SMOC1: variants seen among roughly 807,000 people sequenced by gnomAD.
SMOC1 encodes SPARC related modular calcium binding 1, also known as SPARC-related modular calcium-binding protein 1.
A neutral mutation model predicts 56.3 loss-of-function variants in SMOC1; 22 were observed. The observed-to-expected ratio is 0.39, with a 90% CI of 0.28 to 0.56. SMOC1 has a LOEUF of 0.56. Ranked by LOEUF, SMOC1 falls within the 20% of genes least tolerant of loss-of-function variation. The pLI is 0.61. For synonymous variants in SMOC1, 193 were observed against 215.0 expected, an observed-to-expected ratio of 0.90 and a Z score of 0.89; for missense variants, 509 against 565.4, an observed-to-expected ratio of 0.90 and a Z score of 1.01.
chr14:69,952,035 G>A (rs1366955822), intron 1 of SMOC1, 103 bp from the exon 2 acceptor site: 9 of 1,345,580 alleles, frequency 6.7e-6, no homozygotes, highest in African/African-American at 1.4e-5. Context: ...GGGTTTATTA[G>A]GGACTTACTT....
intron 7 of SMOC1, among the ~76,000 whole-genome samples, chr14:70,009,077 T>G (rs1885243928): frequency 6.6e-6 from 1 of 152,242 alleles, no homozygotes; most frequent in South Asian, 2.1e-4. Flanking sequence ...TTTAAACTCC[T>G]CTTCCTCTAG....
chr14:69,980,143 G>T (rs1278165712), intron 5 of SMOC1, among the ~76,000 whole-genome samples: 1 of 152,156 alleles, frequency 6.6e-6, no homozygotes, highest in African/African-American at 2.4e-5. Flanking sequence ...GTCAAGCAGT[G>T]AGTACCATTT....
At chr14:69,967,519 C>A (rs1044755764) in intron 3 of SMOC1, among the ~76,000 whole-genome samples, 5 of 152,264 alleles carry the variant, frequency 3.3e-5, no homozygotes, top group Non-Finnish European at 4.4e-5. Context: ...ATATGTACCC[C>A]AAGACAGTTC....
chr14:69,933,655 C>G (rs571465493), intron 1 of SMOC1, among the ~76,000 whole-genome samples: 2 of 152,146 alleles, frequency 1.3e-5, no homozygotes, highest in East Asian at 3.9e-4. Context: ...TCAGCTGGGA[C>G]TACAGGTGCA....
chr14:70,022,681 TC>T (rs1885770299), intron 10 of SMOC1, among the ~76,000 whole-genome samples: 1 of 152,208 alleles, frequency 6.6e-6, no homozygotes, highest in African/African-American at 2.4e-5. Context: ...CCTTTTTGGC[TC>T]TGTCTCATAG....
At chr14:69,919,018 C>T (rs912826922) in intron 1 of SMOC1, among the ~76,000 whole-genome samples, 3 of 152,034 alleles carry the variant, frequency 2.0e-5, no homozygotes, top group African/African-American at 4.8e-5. Flanking sequence ...CCTGCTTCTC[C>T]GGAGTTTTAG....
rs1222922776 is a variant in SMOC1 at position 69,960,775 on chromosome 14, A to G, written c.378+7243A>G. Among the ~76,000 whole-genome samples, 5 of 151,184 alleles carry G rather than the reference A, an allele frequency of 3.3e-5. No homozygotes were observed. In the East Asian group the frequency reaches 5.8e-4, roughly 18 times the overall value. On this transcript the variant is annotated intron_variant, in intron 3 of 11. Coordinates refer to ENST00000361956, the MANE Select transcript of SMOC1 (RefSeq NM_001034852.3). ...TTAGCACATAATTGTTGCTTAGCAG[A>G]TGTTAGTTTTCTTCATCTTTAGGTT...
intron 1 of SMOC1, among the ~76,000 whole-genome samples, chr14:69,923,329 T>A (rs1422780474): frequency 6.6e-6 from 1 of 152,132 alleles, no homozygotes; most frequent in Non-Finnish European, 1.5e-5. Flanking sequence ...TGCAGCAAAA[T>A]TTTTTAAATT....
chr14:69,903,150 C>T (rs995485011), intron 1 of SMOC1, among the ~76,000 whole-genome samples: 7 of 151,882 alleles, frequency 4.6e-5, no homozygotes, highest in African/African-American at 1.7e-4. Flanking sequence ...TCTTCCTGGC[C>T]GCCATCCCGT....
chr14:69,922,612 A>G (rs1884876216), intron 1 of SMOC1, among the ~76,000 whole-genome samples: 1 of 152,140 alleles, frequency 6.6e-6, no homozygotes, highest in Non-Finnish European at 1.5e-5. Flanking sequence ...GACATGCAGC[A>G]CCCTGGGCCC....
rs375808586 is a variant in SMOC1 at position 70,011,590 on chromosome 14, C to T, written c.940+23C>T. 37 of 1,606,620 alleles carry T rather than the reference C, an allele frequency of 2.3e-5. No homozygotes were observed. In the East Asian group the frequency reaches 3.1e-4, roughly 14 times the overall value. ...CAGGTGGGAGACGATGCTGCCCTGC[C>T]GGCGCCATCACCTCCTTCTGTTCCT... On this transcript the variant is annotated intron_variant, in intron 9 of 11. Transcript: ENST00000361956.
intron 1 of SMOC1, among the ~76,000 whole-genome samples, chr14:69,895,923 G>T (rs1390753407): frequency 6.7e-6 from 1 of 149,246 alleles, no homozygotes; most frequent in Admixed American, 6.7e-5. Flanking sequence ...AGAGTGCAGG[G>T]GTGCAACTGA....
intron 10 of SMOC1, among the ~76,000 whole-genome samples, chr14:70,015,955 C>T (rs1885495140): frequency 6.6e-6 from 1 of 152,234 alleles, no homozygotes; most frequent in African/African-American, 2.4e-5. Flanking sequence ...AAAGGAGGTC[C>T]GTGGGCTTAA....
At chr14:70,002,198 C>T (rs939253143) in intron 7 of SMOC1, among the ~76,000 whole-genome samples, 6 of 152,292 alleles carry the variant, frequency 3.9e-5, no homozygotes, top group South Asian at 2.1e-4. Context: ...GGGGTCCTCC[C>T]GGGTCCCTTT....
At chr14:69,908,182 A>AT (rs1467176818) in intron 1 of SMOC1, among the ~76,000 whole-genome samples, 1 of 151,932 alleles carries the variant, frequency 6.6e-6, no homozygotes, top group Non-Finnish European at 1.5e-5. Context: ...GTAGAGACCC[A>AT]TTTTGTAAAG....
chr14:69,992,035 T>C (rs1478071077), intron 5 of SMOC1, among the ~76,000 whole-genome samples: 1 of 152,112 alleles, frequency 6.6e-6, no homozygotes, highest in Non-Finnish European at 1.5e-5. Context: ...TTGCCAACCT[T>C]ATGCTAACAT....
intron 11 of SMOC1, among the ~76,000 whole-genome samples, chr14:70,029,359 C>G: frequency 6.6e-6 from 1 of 152,186 alleles, no homozygotes; most frequent in East Asian, 1.9e-4. Flanking sequence ...GGAACCAAGA[C>G]CTGGGACAGT....
chr14:69,952,936 A>G (rs1883056038), intron 2 of SMOC1, among the ~76,000 whole-genome samples: 1 of 152,082 alleles, frequency 6.6e-6, no homozygotes, highest in African/African-American at 2.4e-5. Flanking sequence ...TCTCTAATTT[A>G]TATCTTTTTC....
intron 1 of SMOC1, among the ~76,000 whole-genome samples, chr14:69,935,291 A>G (rs959252169): frequency 1.3e-5 from 2 of 152,224 alleles, no homozygotes; most frequent in African/African-American, 4.8e-5. Flanking sequence ...AAATGCACCA[A>G]AAGTTGGGGA....
Sources: gnomAD v4.1 joint callset for allele counts (sites outside exome capture counted in the v4.1 genomes callset) on GRCh38, gnomAD v4.1.1 for gene constraint, MANE v1.5 for transcripts, NCBI Gene and HGNC (gene_info 2026-07-23, HGNC 2026-07-21) for gene names.